The following CNTNAP2 variants were observed in gnomAD, a reference collection of about 807,000 sequenced individuals.
The protein encoded by CNTNAP2 is contactin associated protein 2, also known as contactin-associated protein-like 2.
Under a neutral mutation model 155.2 loss-of-function variants are expected in CNTNAP2, and 98 were observed. The ratio of observed to expected loss-of-function variants is 0.63; its 90% confidence interval spans 0.54 to 0.75. The LOEUF is 0.75. Among genes scored for constraint, CNTNAP2 ranks in the 30% least tolerant of loss-of-function variants. The pLI is 0.00. For missense variants in CNTNAP2, 1,727 were observed against 1,688.1 expected (o/e 1.02, Z -0.40); for synonymous variants, 651 against 631.2 (o/e 1.03, Z -0.47).
intron 13 of CNTNAP2, among the ~76,000 whole-genome samples, chr7:147,832,186 T>C (rs541138104): frequency 1.7e-5 from 1 of 57,868 alleles, no homozygotes; most frequent in South Asian, 5.0e-4. Flanking sequence ...AATTAAATTA[T>C]ACATTTAATT....
In CNTNAP2 at chr7:147,441,095, G is replaced by A. The variant is rs566058316; in HGVS notation, c.1671-44840G>A. On this transcript the variant is annotated intron_variant, in intron 10 of 23. Coordinates refer to ENST00000361727, the MANE Select transcript of CNTNAP2 (RefSeq NM_014141.6). ...TCTACCTTGTATTTAAGGCCAATAA[G>A]TCTTAGATTTGCCCTTTTGAGGCTA... 7.9e-5 allele frequency among the ~76,000 whole-genome samples: 12 copies of A among 152,110 alleles called. No individual in the cohort carries two copies. In the South Asian group the frequency reaches 2.3e-3, roughly 29 times the overall value.
At chr7:146,648,325 G>T (rs1343094012) in intron 1 of CNTNAP2, among the ~76,000 whole-genome samples, 1 of 152,124 alleles carries the variant, frequency 6.6e-6, no homozygotes, top group Non-Finnish European at 1.5e-5. Context: ...TGGGAAAGAA[G>T]TGAACGTTTT....
rs548864067 is a variant in CNTNAP2, at chr7:147,498,370, G to A, written c.1777+12329G>A. On this transcript the variant is annotated intron_variant, in intron 11 of 23. Transcript: ENST00000361727. Reference sequence around the variant, plus strand: ...ATCCACTGCTTATGACCTATTTTCCGCTTTTACCAGATAAAATGTACCATC... The same window carrying A: ...ATCCACTGCTTATGACCTATTTTCCACTTTTACCAGATAAAATGTACCATC... Among the ~76,000 whole-genome samples, 47 of 152,160 alleles carry A rather than the reference G, an allele frequency of 3.1e-4. 1 individual carries two copies. The South Asian group carries it at 4.4e-3, about 14-fold the overall frequency.
In CNTNAP2 at chr7:146,158,425, C is replaced by T. The variant is rs150238680; in HGVS notation, c.97+41452C>T. Among the ~76,000 whole-genome samples the T allele has an allele frequency of 5.3e-3, 808 of 152,168 alleles. 6 individuals carry two copies. Among genetic ancestry groups the T allele is most frequent in the African/African-American group, 0.018 (759 of 41,506 alleles). Reference sequence around the variant, plus strand: ...TTTAGAGAAGAACGCTTCAGAGGATCGGTAATAACAAACTTCTCTGAGCTA... The same window carrying T: ...TTTAGAGAAGAACGCTTCAGAGGATTGGTAATAACAAACTTCTCTGAGCTA... On this transcript the variant is annotated intron_variant, in intron 1 of 23. Transcript: ENST00000361727.
chr7:147,249,634 C>T (rs1181541066), intron 8 of CNTNAP2, among the ~76,000 whole-genome samples: 1 of 84,246 alleles, frequency 1.2e-5, no homozygotes, highest in Non-Finnish European at 2.3e-5. Context: ...AAGGTTTCAG[C>T]ACCAATCTTC....
chr7:146,930,081 A>G (rs1192075149), intron 3 of CNTNAP2, among the ~76,000 whole-genome samples: 2 of 152,104 alleles, frequency 1.3e-5, no homozygotes, highest in African/African-American at 2.4e-5. Flanking sequence ...TTCAGGAAAT[A>G]CAGAGAACGC....
chr7:146,215,236 G>A (rs1216545609), intron 1 of CNTNAP2, among the ~76,000 whole-genome samples: 2 of 152,116 alleles, frequency 1.3e-5, no homozygotes, highest in South Asian at 4.1e-4. Flanking sequence ...AACTGATTTG[G>A]AAGCTACTCA....
intron 1 of CNTNAP2, among the ~76,000 whole-genome samples, chr7:146,634,205 T>C (rs965551097): frequency 1.3e-5 from 2 of 152,228 alleles, no homozygotes; most frequent in Non-Finnish European, 2.9e-5. Context: ...AGTGTGGCTA[T>C]TCTTTTGTAA....
chr7:146,673,447 C>T (rs535371404), intron 1 of CNTNAP2, among the ~76,000 whole-genome samples: 66 of 152,280 alleles, frequency 4.3e-4, no homozygotes, highest in Admixed American at 1.0e-3. Flanking sequence ...CCTAAAGATG[C>T]TGTCTTATGT....
chr7:146,608,532 A>G (rs1405100935), intron 1 of CNTNAP2, among the ~76,000 whole-genome samples: 1 of 152,178 alleles, frequency 6.6e-6, no homozygotes, highest in Non-Finnish European at 1.5e-5. Context: ...TATAAAGTAC[A>G]ATACATTGTT....
chr7:147,629,970 A>G (rs561504759), intron 12 of CNTNAP2, among the ~76,000 whole-genome samples: 1 of 152,232 alleles, frequency 6.6e-6, no homozygotes, highest in East Asian at 1.9e-4. Flanking sequence ...AAGAAATAAC[A>G]AAGATCAGAA....
chr7:146,914,314 G>C (rs920524948), intron 3 of CNTNAP2, among the ~76,000 whole-genome samples: 2 of 151,648 alleles, frequency 1.3e-5, no homozygotes, highest in African/African-American at 4.8e-5. Context: ...AGGTACCCAG[G>C]GCACGATTAC....
chr7:147,110,438 C>T (rs1222003862), intron 5 of CNTNAP2, among the ~76,000 whole-genome samples: 1 of 151,876 alleles, frequency 6.6e-6, no homozygotes, highest in East Asian at 1.9e-4. Flanking sequence ...TAAACGTGTG[C>T]CGTGACGGTT....
chr7:147,447,660 T>A (rs1797762790), intron 10 of CNTNAP2, among the ~76,000 whole-genome samples: 2 of 152,192 alleles, frequency 1.3e-5, no homozygotes, highest in Admixed American at 1.3e-4. Flanking sequence ...CCTCACGTGA[T>A]CTGCCTGCCT....
chr7:147,523,716 C>T (rs575679462), intron 11 of CNTNAP2, among the ~76,000 whole-genome samples: 8 of 152,326 alleles, frequency 5.3e-5, no homozygotes, highest in African/African-American at 9.6e-5. Context: ...GCGTGTCTCC[C>T]TCTTCGGGCT....
rs56130548 is a variant in CNTNAP2 at position 147,641,408 on chromosome 7, G to C, written c.2098+2102G>C. Reference sequence around the variant, plus strand: ...TGTGGAGTTGGGACTTCATCCAGAGGGCCAGTACTTCTCAGACTTTAGTGG... The same window carrying C: ...TGTGGAGTTGGGACTTCATCCAGAGCGCCAGTACTTCTCAGACTTTAGTGG... On this transcript the variant is annotated intron_variant, in intron 13 of 23. Transcript: ENST00000361727. 1.8e-3 allele frequency among the ~76,000 whole-genome samples: 277 copies of C among 152,082 alleles called. 1 individual carries two copies. Among genetic ancestry groups the C allele is most frequent in the African/African-American group, 6.4e-3 (265 of 41,490 alleles).
Position 147,903,590 on chromosome 7 carries a change from T to C in CNTNAP2, c.2124T>C (p.Val708=). The C allele has an allele frequency of 6.2e-7, 1 of 1,614,176 alleles. No homozygotes were observed. The highest frequency in any genetic ancestry group is 2.2e-5 in the East Asian group (1 of 44,872). Residue 708 remains valine, a synonymous_variant, in exon 14 of 24, where the codon GTT becomes GTC. Transcript: ENST00000361727. The stretch of plus-strand genomic sequence containing the variant: ...ATGGAAGCCCTTACACTTGGTGGGT[T>C]GGCAAAGCCAACGAGAAGCACTACT... ...TPDGSPYTWW[V]GKANEKHYYW...
intron 3 of CNTNAP2, among the ~76,000 whole-genome samples, chr7:146,969,186 T>C (rs36135360): frequency 0.013 from 1,968 of 152,212 alleles, 37 homozygotes; most frequent in African/African-American, 0.046. Flanking sequence ...CAGTTTGTTA[T>C]AATGTCTGAT....
At chr7:147,611,571 G>A (rs2116877707) in intron 12 of CNTNAP2, among the ~76,000 whole-genome samples, 1 of 152,266 alleles carries the variant, frequency 6.6e-6, no homozygotes, top group East Asian at 1.9e-4. Flanking sequence ...TTCTTCATGT[G>A]GGTGAGAATG....
Sources: gnomAD v4.1 joint callset for allele counts (sites outside exome capture counted in the v4.1 genomes callset) on GRCh38, gnomAD v4.1.1 for gene constraint, MANE v1.5 for transcripts, NCBI Gene and HGNC (gene_info 2026-07-23, HGNC 2026-07-21) for gene names.